The following TECPR2 variants were observed in gnomAD, a reference collection of about 807,000 sequenced individuals.
The protein encoded by TECPR2 is tectonin beta-propeller repeat-containing protein 2.
TECPR2 carries 65 observed loss-of-function variants against 138.1 expected under a neutral mutation model. The observed-to-expected ratio is 0.47, with a 90% confidence interval of 0.39 to 0.58. The LOEUF (loss-of-function observed/expected upper bound fraction) is 0.58. Among genes scored for constraint, TECPR2 ranks in the 20% least tolerant of loss-of-function variants. The pLI, the probability that TECPR2 is intolerant of heterozygous loss-of-function variation, is 0.00. For missense variants in TECPR2, 1,553 were observed against 1,824.5 expected (o/e 0.85, Z 2.71); for synonymous variants, 746 against 749.8 (o/e 0.99, Z 0.08).
intron 5 of TECPR2, among the ~76,000 whole-genome samples, chr14:102,416,899 G>A (rs1029907375): frequency 6.6e-6 from 1 of 152,166 alleles, no homozygotes; most frequent in Non-Finnish European, 1.5e-5. Context: ...CAGGAGAATC[G>A]CTTGAACCGG....
At chr14:102,395,793 G>C (rs1480393151) in intron 2 of TECPR2, among the ~76,000 whole-genome samples, 1 of 152,126 alleles carries the variant, frequency 6.6e-6, no homozygotes, top group Non-Finnish European at 1.5e-5. Context: ...GCGAGACTCT[G>C]TCTCCAAAAA....
intron 13 of TECPR2, among the ~76,000 whole-genome samples, chr14:102,447,519 G>A (rs535248330): frequency 1.3e-5 from 2 of 152,218 alleles, no homozygotes; most frequent in African/African-American, 2.4e-5. Context: ...ACTGATAGTC[G>A]ATGGTCGTGA....
intron 2 of TECPR2, among the ~76,000 whole-genome samples, chr14:102,392,371 T>G (rs1310854051): frequency 6.6e-6 from 1 of 152,160 alleles, no homozygotes; most frequent in Non-Finnish European, 1.5e-5. Flanking sequence ...GTTTTGAATC[T>G]TTTCATCTCT....
intron 2 of TECPR2, among the ~76,000 whole-genome samples, chr14:102,392,560 T>A (rs1395909555): frequency 1.3e-5 from 2 of 152,248 alleles, no homozygotes; most frequent in Non-Finnish European, 2.9e-5. Context: ...GTTTTATTTT[T>A]AAAACATTTT....
rs181999519 is a variant in TECPR2, at chr14:102,388,776, A to G, written c.219+11836A>G. 3.5e-3 allele frequency among the ~76,000 whole-genome samples: 533 copies of G among 152,100 alleles called. 8 individuals carry two copies. The highest frequency in any genetic ancestry group is 1.3e-3 in the Non-Finnish European group (89 of 67,986). On this transcript the variant is annotated intron_variant, in intron 2 of 19. Transcript: ENST00000359520. Reference sequence around the variant, plus strand: ...AGGAGATGGAGGCCATTGGGCTAACATGGTGAAATGCTGTCTCTACTAAAA... The same window carrying G: ...AGGAGATGGAGGCCATTGGGCTAACGTGGTGAAATGCTGTCTCTACTAAAA...
At chr14:102,379,576 A>G (rs12884711) in intron 2 of TECPR2, among the ~76,000 whole-genome samples, 16 of 136,006 alleles carry the variant, frequency 1.2e-4, no homozygotes, top group African/African-American at 3.3e-4. Flanking sequence ...GCACAGAGGC[A>G]CCCTAGTCAC....
At chr14:102,436,981 C>T in intron 9 of TECPR2, 3 of 985,408 alleles carry the variant, frequency 3.0e-6, no homozygotes, top group Non-Finnish European at 3.6e-6. Context: ...GATCCTGGCC[C>T]TTTGAGCCCC....
rs779337589 is a variant in TECPR2, at chr14:102,442,047, C to T, written c.2752+1438C>T. Among the ~76,000 whole-genome samples, 5 of 152,250 alleles carry T rather than the reference C, an allele frequency of 3.3e-5. No homozygotes were observed. In the South Asian group the frequency reaches 8.3e-4, roughly 25 times the overall value. The stretch of plus-strand genomic sequence containing the variant: ...AGGCTGGAGTGTAGTGGCACAATCT[C>T]GGCTCACTGCAACCTCCACTTCCTG... On this transcript the variant is annotated intron_variant, in intron 11 of 19. Transcript: ENST00000359520.
intron 10 of TECPR2, among the ~76,000 whole-genome samples, chr14:102,439,713 G>A (rs146300303): frequency 6.6e-6 from 1 of 152,358 alleles, no homozygotes; most frequent in Non-Finnish European, 1.5e-5. Context: ...GTGGGCAGCA[G>A]AGCCCTTGTG....
intron 16 of TECPR2, among the ~76,000 whole-genome samples, chr14:102,458,563 G>A (rs930310057): frequency 2.6e-5 from 4 of 151,824 alleles, no homozygotes; most frequent in African/African-American, 7.3e-5. Context: ...CTTTGTGTTG[G>A]GGCCCTGGCT....
chr14:102,477,131 A>T (rs1890783171), intron 17 of TECPR2, among the ~76,000 whole-genome samples: 1 of 152,228 alleles, frequency 6.6e-6, no homozygotes, highest in Admixed American at 6.5e-5. Context: ...GCACTTTGGG[A>T]GGCCAGGGCG....
chr14:102,421,215 G>A (rs1271769183), intron 5 of TECPR2, among the ~76,000 whole-genome samples: 1 of 152,138 alleles, frequency 6.6e-6, no homozygotes, highest in East Asian at 1.9e-4. Flanking sequence ...GACAGGAAAG[G>A]CAGAGGAAGA....
chr14:102,441,801 G>A (rs766882930), intron 11 of TECPR2, among the ~76,000 whole-genome samples: 9 of 152,216 alleles, frequency 5.9e-5, no homozygotes, highest in Non-Finnish European at 8.8e-5. Flanking sequence ...AAAATAAGCT[G>A]TAATGACAGT....
chr14:102,434,531 C>A lies in TECPR2; in HGVS notation c.1714C>A (p.His572Asn). 6.4e-7 allele frequency: 1 copy of A among 1,555,462 alleles called. No individual in the cohort carries two copies. The highest frequency in any genetic ancestry group is 8.7e-7 in the Non-Finnish European group (1 of 1,149,740). ...AGATGACATTAGAACTGAAATGCCACACTGTCACCATGCACATGGGCGGGA... is the reference window on the plus strand; with the variant it reads ...AGATGACATTAGAACTGAAATGCCAAACTGTCACCATGCACATGGGCGGGA... ...EEDDIRTEMP[H>N]CHHAHGRELL... Residue 572 changes from histidine to asparagine, a missense_variant, in exon 9 of 20, where the codon CAC (histidine) becomes AAC (asparagine). By Grantham distance (68) the His-to-Asn change is moderately conservative (BLOSUM62 1). Coordinates refer to ENST00000359520, the MANE Select transcript of TECPR2 (RefSeq NM_014844.5).
intron 2 of TECPR2, among the ~76,000 whole-genome samples, chr14:102,387,339 C>A (rs183237301): frequency 2.0e-5 from 3 of 152,174 alleles, no homozygotes; most frequent in Non-Finnish European, 4.4e-5. Flanking sequence ...GAAAATGTTG[C>A]AAGGAGCTAA....
chr14:102,488,843 G>T (rs1482098974), intron 17 of TECPR2, among the ~76,000 whole-genome samples: 1 of 151,250 alleles, frequency 6.6e-6, no homozygotes, highest in African/African-American at 2.4e-5. Context: ...CATTTGCAAT[G>T]TTGTGCAACC....
Position 102,499,005 on chromosome 14 carries a change from G to A in TECPR2, c.*748G>A, listed in dbSNP as rs758647505. 8.6e-5 allele frequency: 60 copies of A among 696,508 alleles called. No individual in the cohort carries two copies. Among genetic ancestry groups the A allele is most frequent in the South Asian group, 5.1e-4 (34 of 66,656 alleles). 43.1% of individuals were successfully genotyped at this position (696,508 alleles called of 1,614,324 possible). A position where few individuals can be genotyped will look rare whatever the true frequency, so the allele number is the denominator to read the frequency against. ...ACCCCACACCGCACTGCACCGCACC[G>A]CACCGCACCGTACCTCGCCACATCT... On this transcript the variant is annotated 3_prime_UTR_variant, in exon 20 of 20. Transcript: ENST00000359520.
chr14:102,490,617 G>A (rs1043948082), intron 17 of TECPR2, among the ~76,000 whole-genome samples: 4 of 152,158 alleles, frequency 2.6e-5, no homozygotes, highest in East Asian at 1.9e-4. Context: ...GCTGAGCTCC[G>A]CCCCGGCCTG....
At chr14:102,381,649 G>A (rs1014959247) in intron 2 of TECPR2, among the ~76,000 whole-genome samples, 4 of 152,204 alleles carry the variant, frequency 2.6e-5, no homozygotes, top group African/African-American at 9.6e-5. Context: ...CAAGAAAGGT[G>A]AAATGAAAGT....
Sources: allele counts gnomAD v4.1 joint callset (sites outside exome capture counted in the v4.1 genomes callset), GRCh38; gene constraint gnomAD v4.1.1; transcripts MANE v1.5; gene names NCBI Gene and HGNC (gene_info 2026-07-23, HGNC 2026-07-21).